Variants in ERI1 observed in about 807,000 individuals in gnomAD.
The protein encoded by ERI1 is 3'-5' exoribonuclease 1.
In ERI1, 39 loss-of-function variants were observed where a neutral mutation model predicts 39.7. The ratio of observed to expected loss-of-function variants is 0.98; its 90% CI spans 0.76 to 1.28. The LOEUF (loss-of-function observed/expected upper bound fraction) is 1.28, where lower values mean the gene tolerates loss of function less well. ERI1 is among the 50% of genes most tolerant of loss of function. ERI1 has a pLI of 0.00. For missense variants in ERI1, 581 were observed against 416.9 expected, an observed-to-expected ratio of 1.39 and a Z score of -3.43; for synonymous variants, 204 against 149.6, an observed-to-expected ratio of 1.36 and a Z score of -2.65.
chr8:9,028,319 AT>A (rs1423718858), intron 6 of ERI1, among the ~76,000 whole-genome samples: 9 of 152,142 alleles, frequency 5.9e-5, no homozygotes, highest in African/African-American at 2.2e-4. Context: ...ATTTCCAGGA[AT>A]TTGTCTCTTC....
At chr8:9,027,379 C>G (rs980876365) in intron 6 of ERI1, among the ~76,000 whole-genome samples, 1 of 152,006 alleles carries the variant, frequency 6.6e-6, no homozygotes, top group Non-Finnish European at 1.5e-5. Flanking sequence ...GTTCTTTATT[C>G]TGGATATTAA....
At chr8:9,058,505 C>T (rs145465837) in intron 3 of ERI1, among the ~76,000 whole-genome samples, 1 of 152,312 alleles carries the variant, frequency 6.6e-6, no homozygotes, top group African/African-American at 2.4e-5. Context: ...ATGATAATGA[C>T]ATTGTGGCAT....
chr8:9,039,652 G>A (rs1563349609), intron 3 of ERI1, among the ~76,000 whole-genome samples: 1 of 152,142 alleles, frequency 6.6e-6, no homozygotes. Context: ...TTGAACTAAG[G>A]TATTTGGCTT....
intron 5 of ERI1, among the ~76,000 whole-genome samples, chr8:9,018,788 G>C (rs890945938): frequency 6.6e-6 from 1 of 151,324 alleles, no homozygotes; most frequent in Non-Finnish European, 1.5e-5. Flanking sequence ...AGTCAGACTG[G>C]CCCAGGAATT....
At chr8:9,029,516 A>C (rs1184829669) in intron 6 of ERI1, among the ~76,000 whole-genome samples, 3 of 152,088 alleles carry the variant, frequency 2.0e-5, no homozygotes, top group Non-Finnish European at 4.4e-5. Context: ...TTTTAAGAAG[A>C]GATGGGGTGT....
intron 3 of ERI1, 45 bp downstream of exon 3, chr8:9,011,797 T>G (rs1816703114): frequency 6.9e-7 from 1 of 1,446,518 alleles, no homozygotes; most frequent in East Asian, 2.3e-5. Context: ...GCAGCAACTA[T>G]TCTGGTGTTT....
Position 9,073,324 on chromosome 8 carries a change from A to G in ERI1, n.300-43024A>G, listed in dbSNP as rs545763776. ...TTGTTATTGAAGAGGAGACTTCTTT[A>G]TGGAAGGATATTGTCTACTCTTAGT... On this transcript the variant is annotated intron_variant and non_coding_transcript_variant, in intron 3 of 3. Coordinates refer to the ERI1 transcript ENST00000518663. Among the ~76,000 whole-genome samples the G allele has an allele frequency of 6.6e-5, 10 of 152,336 alleles. No individual in the cohort carries two copies. In the South Asian group the frequency reaches 1.9e-3, roughly 28 times the overall value.
chr8:9,016,222 C>G, intron 3 of ERI1, 100 bp from the exon 4 acceptor site: 1 of 554,832 alleles, frequency 1.8e-6, no homozygotes, highest in South Asian at 3.6e-5. Flanking sequence ...GCCGTGAGAT[C>G]CTATGAAATT....
intron 2 of ERI1, among the ~76,000 whole-genome samples, chr8:9,009,501 C>G (rs1268856175): frequency 6.6e-6 from 1 of 152,152 alleles, no homozygotes; most frequent in African/African-American, 2.4e-5. Flanking sequence ...TGTTGTGCAA[C>G]CAAAGTTATA....
chr8:9,081,703 TTTTGTTTG>T (rs10701232), intron 3 of ERI1, among the ~76,000 whole-genome samples: 1 of 142,616 alleles, frequency 7.0e-6, no homozygotes, highest in Non-Finnish European at 1.5e-5. Flanking sequence ...TTTTTTTGGT[TTTTGTTTG>T]TTTGTTTGTT....
rs151087234 is a variant in ERI1, at chr8:9,098,645, A to G, written n.300-17703A>G. On this transcript the variant is annotated intron_variant and non_coding_transcript_variant, in intron 3 of 3. Coordinates refer to the ERI1 transcript ENST00000518663. Reference sequence around the variant, plus strand: ...TGTACACTGCTTGGGCAATGGGTGCACCAAAATCACAGAAGTCACCACAAA... The same window carrying G: ...TGTACACTGCTTGGGCAATGGGTGCGCCAAAATCACAGAAGTCACCACAAA... Among the ~76,000 whole-genome samples, 522 of 152,278 alleles carry G rather than the reference A, an allele frequency of 3.4e-3. 1 individual carries two copies. Among genetic ancestry groups the G allele is most frequent in the African/African-American group, 0.012 (486 of 41,550 alleles).
At chr8:9,022,134 T>A (rs894449414) in intron 6 of ERI1, among the ~76,000 whole-genome samples, 1 of 152,186 alleles carries the variant, frequency 6.6e-6, no homozygotes, top group East Asian at 1.9e-4. Flanking sequence ...AGTTTATAGT[T>A]ACTGTAAGTT....
At position 9,010,163 on chromosome 8, in the gene ERI1, G is replaced by A. The variant is rs73662273; in HGVS notation, c.288-1379G>A. On this transcript the variant is annotated intron_variant, in intron 2 of 6. Transcript: ENST00000250263. ...TTTCTGAGTTAGAATTGACAAACAT[G>A]GTGAATATTTGGAAGAGCAAAGGAG... is the stretch of plus-strand genomic sequence containing the variant. Among the ~76,000 whole-genome samples the A allele has an allele frequency of 5.1e-3, 771 of 152,270 alleles. 4 individuals are homozygous for A. Among genetic ancestry groups the A allele is most frequent in the African/African-American group, 0.017 (705 of 41,550 alleles).
chr8:9,011,865 G>GT (rs1409169481), intron 3 of ERI1, 113 bp downstream of exon 3: 40 of 749,090 alleles, frequency 5.3e-5, no homozygotes, highest in African/African-American at 3.5e-4. Flanking sequence ...TCTAAAGTAA[G>GT]TTTTTTCTTT....
intron 6 of ERI1, among the ~76,000 whole-genome samples, chr8:9,022,317 A>G (rs1817998253): frequency 6.6e-6 from 1 of 151,840 alleles, no homozygotes; most frequent in African/African-American, 2.4e-5. Flanking sequence ...TTACCTGTGT[A>G]TTTTACTGGT....
Position 9,003,151 on chromosome 8 carries a change from C to T in ERI1, c.88C>T (p.Pro30Ser), listed in dbSNP as rs1815549535. Residue 30 changes from proline to serine, a missense_variant, in exon 1 of 7, where the codon CCG (proline) becomes TCG (serine). Physicochemically the swap from Pro to Ser is moderately conservative, Grantham distance 74 (BLOSUM62 -1). Transcript: ENST00000250263. ...ESPRPEGGEE[P>S]PRPSPEETQQ... The stretch of plus-strand genomic sequence containing the variant: ...GCCGCGGCCGGAGGGCGGGGAGGAG[C>T]CGCCGCGTCCCAGTCCCGAGGTGAG... 8.0e-7 allele frequency: 1 copy of T among 1,243,824 alleles called. No homozygotes were observed. Among genetic ancestry groups the T allele is most frequent in the Non-Finnish European group, 1.0e-6 (1 of 990,954 alleles). The allele number at this position is 1,243,824 out of a possible 1,614,324, so 77.0% of individuals were successfully genotyped here.
intron 3 of ERI1, among the ~76,000 whole-genome samples, chr8:9,070,960 G>T (rs1175046391): frequency 6.6e-6 from 1 of 152,110 alleles, no homozygotes; most frequent in Non-Finnish European, 1.5e-5. Flanking sequence ...GGCACCCATG[G>T]CTGCCATCAC....
intron 3 of ERI1, among the ~76,000 whole-genome samples, chr8:9,078,704 C>G (rs1799282964): frequency 6.6e-6 from 1 of 152,206 alleles, no homozygotes; most frequent in Admixed American, 6.5e-5. Flanking sequence ...CCCAGACCTG[C>G]TGAATCAGTG....
intron 3 of ERI1, among the ~76,000 whole-genome samples, chr8:9,083,652 G>T (rs868572985): frequency 2.0e-5 from 3 of 151,872 alleles, no homozygotes; most frequent in Non-Finnish European, 4.4e-5. Flanking sequence ...AAAAAAGCGG[G>T]GGGGAAGAAT....
Sources: gnomAD v4.1 joint callset for allele counts (sites outside exome capture counted in the v4.1 genomes callset) on GRCh38, gnomAD v4.1.1 for gene constraint, MANE v1.5 for transcripts, NCBI Gene and HGNC (gene_info 2026-07-23, HGNC 2026-07-21) for gene names.